Variants in RCBTB2 observed in about 807,000 individuals in gnomAD.
The protein encoded by RCBTB2 is RCC1 and BTB domain-containing protein 2.
RCBTB2 carries 55 observed loss-of-function variants against 65.4 expected under a neutral mutation model. The ratio of observed to expected loss-of-function variants is 0.84; its 90% CI spans 0.68 to 1.05. RCBTB2 has a LOEUF of 1.05. RCBTB2 is among the 50% of genes least tolerant of loss of function. RCBTB2 has a pLI of 0.00. For missense variants in RCBTB2, 599 were observed against 680.1 expected (o/e 0.88, Z 1.33); for synonymous variants, 220 against 255.2 (o/e 0.86, Z 1.31).
intron 10 of RCBTB2, 126 bp downstream of exon 10, chr13:48,510,499 GAATA>G: frequency 1.8e-6 from 2 of 1,139,390 alleles, no homozygotes; most frequent in South Asian, 1.8e-5. Context: ...TTTTCTAAAG[GAATA>G]AATACTCTTG....
At chr13:48,494,789 G>C (rs943442384) in intron 14 of RCBTB2, among the ~76,000 whole-genome samples, 2 of 152,044 alleles carry the variant, frequency 1.3e-5, no homozygotes, top group Non-Finnish European at 2.9e-5. Context: ...ATTCTGTGTT[G>C]TAAGTGCCCA....
upstream of RCBTB2, chr13:48,533,082 C>G (rs759636619): frequency 2.9e-5 from 13 of 452,820 alleles, no homozygotes; most frequent in South Asian, 1.9e-4. Flanking sequence ...GGTTACTGCA[C>G]GGTCAGGGGC....
intron 1 of RCBTB2, among the ~76,000 whole-genome samples, chr13:48,528,919 GA>G (rs1951953392): frequency 6.6e-6 from 1 of 152,166 alleles, no homozygotes; most frequent in Non-Finnish European, 1.5e-5. Context: ...ATATGTTCAT[GA>G]AAAACAGAAA....
chr13:48,523,659 G>A (rs7330657), intron 2 of RCBTB2, among the ~76,000 whole-genome samples: 1,639 of 152,196 alleles, frequency 0.011, 24 homozygotes, highest in African/African-American at 0.037. Context: ...AAGAGGGAGA[G>A]AAGAGAAAAA....
At chr13:48,498,350 CTT>C (rs908593578) in intron 13 of RCBTB2, among the ~76,000 whole-genome samples, 3 of 152,148 alleles carry the variant, frequency 2.0e-5, no homozygotes, top group African/African-American at 7.2e-5. Context: ...TGACATATAA[CTT>C]TAAGTTTTTA....
At chr13:48,493,303 A>G (rs1949799144) in intron 14 of RCBTB2, among the ~76,000 whole-genome samples, 1 of 67,456 alleles carries the variant, frequency 1.5e-5, no homozygotes, top group African/African-American at 6.5e-5. Flanking sequence ...ACACACACAC[A>G]CACACACACA....
At chr13:48,492,139 T>C (rs1320682324) in intron 14 of RCBTB2, among the ~76,000 whole-genome samples, 1 of 152,152 alleles carries the variant, frequency 6.6e-6, no homozygotes, top group South Asian at 2.1e-4. Context: ...TCAGCTGACA[T>C]GACTTCCTAT....
rs1278122338 is a variant in RCBTB2 at position 48,509,367 on chromosome 13, G to A, written c.926+1262C>T. On this transcript the variant is annotated intron_variant, in intron 10 of 14. Transcript: ENST00000344532. ...AAATAACAGGCCATACAAATCCATCGTTTTTATTTCCATGCCATCTTTATT... is the reference window on the plus strand; with the variant it reads ...AAATAACAGGCCATACAAATCCATCATTTTTATTTCCATGCCATCTTTATT... Among the ~76,000 whole-genome samples, 5 of 152,048 alleles carry A rather than the reference G, an allele frequency of 3.3e-5. No individual in the cohort carries two copies. The East Asian group carries it at 7.7e-4, about 23-fold the overall frequency.
At chr13:48,506,812 G>A (rs777312145) in intron 10 of RCBTB2, among the ~76,000 whole-genome samples, 5 of 152,196 alleles carry the variant, frequency 3.3e-5, no homozygotes, top group Non-Finnish European at 7.3e-5. Flanking sequence ...GCACTTTGCA[G>A]TGACCTACTA....
chr13:48,515,874 C>T lies in RCBTB2; in HGVS notation c.43-133G>A, dbSNP rs1951059952. ...GCATCCATTTTTGAGAGGCCTCTCG[C>T]AGCTGCAGGGATTGCCTCTGCCAGC... On this transcript the variant is annotated intron_variant, in intron 4 of 14. Coordinates refer to ENST00000344532, the MANE Select transcript of RCBTB2 (RefSeq NM_001268.4). 3 of 889,980 alleles carry T rather than the reference C, an allele frequency of 3.4e-6. No homozygotes were observed. The South Asian group carries it at 5.5e-5, about 16-fold the overall frequency. The allele number at this position is 889,980 out of a possible 1,614,324, so 55.1% of individuals were successfully genotyped here.
At chr13:48,523,150 A>G (rs1199341915) in intron 2 of RCBTB2, among the ~76,000 whole-genome samples, 3 of 152,218 alleles carry the variant, frequency 2.0e-5, no homozygotes, top group Non-Finnish European at 4.4e-5. Flanking sequence ...GACAATATGG[A>G]AAGATATTCT....
At chr13:48,500,846 TGCAGGTTGATGTGATATAGAGAGAGTGAG>T in intron 12 of RCBTB2, among the ~76,000 whole-genome samples, 1 of 152,174 alleles carries the variant, frequency 6.6e-6, no homozygotes, top group Non-Finnish European at 1.5e-5. Flanking sequence ...CCTTCTTTCA[TGCAGGTTGATGTGATATAGAGAGAGTGAG>T]CAAACGCTGC....
At chr13:48,508,751 A>G (rs561656418) in intron 10 of RCBTB2, among the ~76,000 whole-genome samples, 1 of 152,212 alleles carries the variant, frequency 6.6e-6, no homozygotes, top group African/African-American at 2.4e-5. Flanking sequence ...CAGTTTAAGA[A>G]GACAGAAATG....
At chr13:48,517,728 A>T (rs148860305) in intron 4 of RCBTB2, among the ~76,000 whole-genome samples, 1 of 152,350 alleles carries the variant, frequency 6.6e-6, no homozygotes, top group East Asian at 1.9e-4. Flanking sequence ...TGTAGCTAAA[A>T]AGAGCTCAAA....
At chr13:48,491,561 A>G (rs559597772) in intron 14 of RCBTB2, 102 of 152,302 alleles carry the variant, frequency 6.7e-4, no homozygotes, top group African/African-American at 2.4e-3. Flanking sequence ...TAGAAATGAC[A>G]TTTTTGCCTA....
chr13:48,531,618 G>A (rs767253502), intron 1 of RCBTB2, among the ~76,000 whole-genome samples: 1 of 152,226 alleles, frequency 6.6e-6, no homozygotes, highest in Admixed American at 6.5e-5. Context: ...CCCAGCAAGA[G>A]CAATAAGGCC....
intron 7 of RCBTB2, 127 bp from the exon 8 acceptor site, chr13:48,512,301 C>G: frequency 1.3e-6 from 1 of 745,666 alleles, no homozygotes; most frequent in South Asian, 1.8e-5. Flanking sequence ...ATCCTCACAA[C>G]ACAGGCAGAG....
chr13:48,535,565 A>G, upstream of RCBTB2: 1 of 428,090 alleles, frequency 2.3e-6, no homozygotes, highest in Non-Finnish European at 4.7e-6. Flanking sequence ...CCTCCTATTC[A>G]TTCTTGAATC....
chr13:48,530,536 G>A (rs1010787343), intron 1 of RCBTB2, among the ~76,000 whole-genome samples: 6 of 152,364 alleles, frequency 3.9e-5, no homozygotes, highest in African/African-American at 1.4e-4. Context: ...ACCTGTAAGA[G>A]AGGTCATTTA....
Sources: allele counts gnomAD v4.1 joint callset (sites outside exome capture counted in the v4.1 genomes callset), GRCh38; gene constraint gnomAD v4.1.1; transcripts MANE v1.5; gene names NCBI Gene and HGNC (gene_info 2026-07-23, HGNC 2026-07-21).